Variants in XNDC1N observed in about 807,000 individuals in gnomAD.
XNDC1N encodes the protein protein XNDC1N.
the XNDC1N span, among the ~76,000 whole-genome samples, chr11:71,919,917 A>G: frequency 8.4e-6 from 1 of 119,606 alleles, no homozygotes; most frequent in Non-Finnish European, 1.7e-5. Flanking sequence ...GCGCCCAGCC[A>G]AAAGCAGGCC....
the XNDC1N span, among the ~76,000 whole-genome samples, chr11:71,925,093 C>G: frequency 5.3e-5 from 8 of 151,920 alleles, no homozygotes; most frequent in Non-Finnish European, 8.8e-5. Context: ...TCTAATGCAT[C>G]TTTGGTGCTC....
At chr11:71,915,094 A>G in the XNDC1N span, among the ~76,000 whole-genome samples, 1 of 152,166 alleles carries the variant, frequency 6.6e-6, no homozygotes, top group East Asian at 1.9e-4. Context: ...CTTCAGCAAT[A>G]ACCACCCTGA....
the XNDC1N span, chr11:71,893,901 C>G: frequency 1.0e-6 from 1 of 977,934 alleles, no homozygotes; most frequent in South Asian, 1.3e-5. Flanking sequence ...GTGTCTTCTT[C>G]GTTTTGGTGT....
At chr11:71,920,966 A>G in the XNDC1N span, among the ~76,000 whole-genome samples, 42 of 152,032 alleles carry the variant, frequency 2.8e-4, 1 homozygote, top group Non-Finnish European at 2.9e-5. Flanking sequence ...CCCTATCTCA[A>G]TAAGTAAATA....
At chr11:71,912,339 C>A in the XNDC1N span, among the ~76,000 whole-genome samples, 1 of 151,878 alleles carries the variant, frequency 6.6e-6, no homozygotes, top group African/African-American at 2.4e-5. Flanking sequence ...GTCTTCCTCC[C>A]CAAACGTGGA....
the XNDC1N span, among the ~76,000 whole-genome samples, chr11:71,913,681 AAAAAAAAGAAAAAC>A: frequency 6.7e-6 from 1 of 149,952 alleles, no homozygotes; most frequent in African/African-American, 2.4e-5. Context: ...AAAAAAAAAA[AAAAAAAAGAAAAAC>A]AAAAGAAGAT....
chr11:71,879,421 T>C, the XNDC1N span, among the ~76,000 whole-genome samples: 1 of 152,340 alleles, frequency 6.6e-6, no homozygotes, highest in Admixed American at 6.5e-5. Flanking sequence ...TAAAAACATA[T>C]TAAACTGTGG....
At chr11:71,874,645 T>C in the XNDC1N span, among the ~76,000 whole-genome samples, 1 of 152,186 alleles carries the variant, frequency 6.6e-6, no homozygotes, top group Non-Finnish European at 1.5e-5. Flanking sequence ...AGGCTAGAGC[T>C]AATACTTCAT....
At chr11:71,910,879 C>A in the XNDC1N span, among the ~76,000 whole-genome samples, 111 of 152,336 alleles carry the variant, frequency 7.3e-4, no homozygotes, top group African/African-American at 2.5e-3. Context: ...GACCGGGAAC[C>A]TTTGGAATGC....
chr11:71,889,403 A>T, the XNDC1N span, among the ~76,000 whole-genome samples: 1 of 152,210 alleles, frequency 6.6e-6, no homozygotes, highest in Non-Finnish European at 1.5e-5. Context: ...GAAAAGCAGC[A>T]TCTTCCCCCT....
chr11:71,891,994 T>C, the XNDC1N span, among the ~76,000 whole-genome samples: 2 of 151,978 alleles, frequency 1.3e-5, 1 homozygote, highest in Non-Finnish European at 2.9e-5. Context: ...CCCCCAGTGA[T>C]ATTGCGAATA....
chr11:71,911,668 G>C, the XNDC1N span, among the ~76,000 whole-genome samples: 1 of 152,192 alleles, frequency 6.6e-6, no homozygotes, highest in Admixed American at 6.5e-5. Context: ...AGTGCATGGA[G>C]CGTGATAGAA....
At chr11:71,904,222 G>C in the XNDC1N span, 9 of 388,116 alleles carry the variant, frequency 2.3e-5, no homozygotes, top group Non-Finnish European at 3.6e-5. Flanking sequence ...CACCCATTGT[G>C]TCATTACGAG....
the XNDC1N span, among the ~76,000 whole-genome samples, chr11:71,891,216 C>G: frequency 6.6e-6 from 1 of 151,846 alleles, no homozygotes. Context: ...TGGTGTACCC[C>G]CCCTGCGATA....
chr11:71,902,793 T>C, the XNDC1N span, among the ~76,000 whole-genome samples: 3 of 152,248 alleles, frequency 2.0e-5, no homozygotes, highest in African/African-American at 4.8e-5. Context: ...ATATTTGAGT[T>C]CTTAATTTCC....
chr11:71,918,794 C>T, the XNDC1N span: 1 of 657,062 alleles, frequency 1.5e-6, no homozygotes, highest in Non-Finnish European at 2.8e-6. Flanking sequence ...GCTGCTCAGC[C>T]AGAATGAACT....
chr11:71,884,464 A>G, the XNDC1N span: 13 of 1,609,234 alleles, frequency 8.1e-6, no homozygotes, highest in Non-Finnish European at 1.0e-5. Context: ...TGCAGACTGA[A>G]GTGCAATGCT....
chr11:71,870,664 A>C, the XNDC1N span, among the ~76,000 whole-genome samples: 1 of 152,240 alleles, frequency 6.6e-6, no homozygotes, highest in Non-Finnish European at 1.5e-5. Flanking sequence ...AAAATTTATA[A>C]GGATCTCAAA....
the XNDC1N span, among the ~76,000 whole-genome samples, chr11:71,911,060 C>G: frequency 1.3e-5 from 2 of 152,242 alleles, no homozygotes; most frequent in African/African-American, 2.4e-5. Context: ...GGCCAGTGGC[C>G]TACATCTCTC....
Sources: allele counts gnomAD v4.1 joint callset (sites outside exome capture counted in the v4.1 genomes callset), GRCh38; gene constraint gnomAD v4.1.1; transcripts MANE v1.5; gene names NCBI Gene and HGNC (gene_info 2026-07-23, HGNC 2026-07-21).